CFHR4: variants seen among roughly 807,000 people sequenced by gnomAD.
CFHR4 encodes complement factor H related 4, also known as complement factor H-related protein 4.
Under a neutral mutation model 69.3 loss-of-function variants are expected in CFHR4, and 64 were observed. The ratio of observed to expected loss-of-function variants is 0.92; its 90% CI spans 0.76 to 1.14. The LOEUF is 1.14. CFHR4 is among the 50% of genes most tolerant of loss of function. The pLI is 0.00. For synonymous variants in CFHR4, 244 were observed against 237.0 expected, an observed-to-expected ratio of 1.03 and a Z score of -0.27; for missense variants, 636 against 684.9, an observed-to-expected ratio of 0.93 and a Z score of 0.80.
Position 196,900,998 on chromosome 1 carries a change from G to A in CFHR4, c.59-1420G>A, listed in dbSNP as rs943214983. On this transcript the variant is annotated intron_variant, in intron 1 of 9. Transcript: ENST00000608469. Reference sequence around the variant, plus strand: ...TCGGCATAACTAATCTGTAGAAACCGGTTGAAAAATTTTTCTAATCAAACA... The same window carrying A: ...TCGGCATAACTAATCTGTAGAAACCAGTTGAAAAATTTTTCTAATCAAACA... 3.3e-5 allele frequency among the ~76,000 whole-genome samples: 5 copies of A among 151,410 alleles called. No individual in the cohort carries two copies. In the East Asian group the frequency reaches 5.8e-4, roughly 18 times the overall value.
chr1:196,916,163 T>C (rs1415420681), intron 9 of CFHR4, among the ~76,000 whole-genome samples: 3 of 151,478 alleles, frequency 2.0e-5, no homozygotes, highest in African/African-American at 4.9e-5. Context: ...TCTAGAATTT[T>C]GTCCCCCAAG....
intron 9 of CFHR4, among the ~76,000 whole-genome samples, chr1:196,916,125 C>T (rs1658609837): frequency 6.6e-6 from 1 of 151,484 alleles, no homozygotes; most frequent in Admixed American, 6.6e-5. Flanking sequence ...ACACTAAAAA[C>T]CCCTCAAGCC....
In CFHR4 at chr1:196,918,554, T is replaced by A. The variant is rs1024561891; in HGVS notation, c.*148T>A. 2.5e-6 allele frequency: 2 copies of A among 813,214 alleles called. No individual in the cohort carries two copies. The highest frequency in any genetic ancestry group is 1.8e-5 in the African/African-American group (1 of 56,918). The allele number at this position is 813,214 out of a possible 1,614,324, so 50.4% of individuals were successfully genotyped here. A position where few individuals can be genotyped will look rare whatever the true frequency, so the allele number is the denominator to read the frequency against. On this transcript the variant is annotated 3_prime_UTR_variant, in exon 10 of 10. Coordinates refer to ENST00000608469, the MANE Select transcript of CFHR4 (RefSeq NM_001201550.3). ...AATAGTTTCAATTTGCAACTTAATA[T>A]GTTCTCAAAAATATGTTAAAACAAA...
At position 196,917,336 on chromosome 1, in the gene CFHR4, G is replaced by T. The variant is rs182576412; in HGVS notation, c.1541-874G>T. Among the ~76,000 whole-genome samples, 490 of 151,924 alleles carry T rather than the reference G, an allele frequency of 3.2e-3. 5 individuals are homozygous for T. Among genetic ancestry groups the T allele is most frequent in the African/African-American group, 0.011 (458 of 41,376 alleles). On this transcript the variant is annotated intron_variant, in intron 9 of 9. Coordinates refer to ENST00000608469, the MANE Select transcript of CFHR4 (RefSeq NM_001201550.3). ...AATTAGGCTTAATACCTAGGGTATG[G>T]GTTGATAGGTACAGCAAACCACCAT...
rs1034331216 is a variant in CFHR4 at position 196,907,631 on chromosome 1, T to C, written c.799+133T>C. ...ACAGCTATTCTGCTGAATATTTGCC[T>C]TTCAGATCTTAATATATAAGTGTAT... On this transcript the variant is annotated intron_variant, in intron 5 of 9. Coordinates refer to ENST00000608469, the MANE Select transcript of CFHR4 (RefSeq NM_001201550.3). 2.9e-5 allele frequency: 21 copies of C among 712,148 alleles called. 1 individual carries two copies. In the South Asian group the frequency reaches 4.2e-4, roughly 14 times the overall value. The allele number at this position is 712,148 out of a possible 1,614,324, so 44.1% of individuals were successfully genotyped here.
At position 196,914,686 on chromosome 1, in the gene CFHR4, C is replaced by A. The variant is rs1180914048; in HGVS notation, c.1357+15C>A. On this transcript the variant is annotated intron_variant, in intron 8 of 9. Transcript: ENST00000608469. ...AACATGTTATAGTAAGTATTTTATT[C>A]AAGTATTTTTTATTAGAATTAAATA... 1.3e-6 allele frequency: 2 copies of A among 1,576,854 alleles called. No individual in the cohort carries two copies. Among genetic ancestry groups the A allele is most frequent in the Admixed American group, 1.9e-5 (1 of 53,330 alleles).
Position 196,906,977 on chromosome 1 carries a change from A to C in CFHR4, c.556A>C (p.Asn186His), listed in dbSNP as rs769923643. Residue 186 changes from asparagine (N) to histidine (H), a missense_variant, in exon 4 of 10, where the codon AAC (asparagine) becomes CAC (histidine). By Grantham distance (68) the Asn-to-His change is moderately conservative. Transcript: ENST00000608469. ...TGATGGATATGAAAGCAGTTATGGA[A>C]ACACCACAGATTCCATAGTGTGTGG... ...CYDGYESSYG[N>H]TTDSIVCGED... 6.2e-7 allele frequency: 1 copy of C among 1,612,654 alleles called. No homozygotes were observed. Among genetic ancestry groups the C allele is most frequent in the South Asian group, 1.1e-5 (1 of 91,004 alleles).
intron 1 of CFHR4, 152 bp downstream of exon 1, chr1:196,888,360 A>T: frequency 1.4e-6 from 1 of 690,100 alleles, no homozygotes; most frequent in East Asian, 2.8e-5. Flanking sequence ...GTATAACAGA[A>T]ATTAATTTTA....
At position 196,892,899 on chromosome 1, in the gene CFHR4, T is replaced by C. The variant is rs1027332814; in HGVS notation, c.58+4691T>C. 3.3e-5 allele frequency among the ~76,000 whole-genome samples: 5 copies of C among 151,414 alleles called. 1 individual carries two copies. The highest frequency in any genetic ancestry group is 7.4e-5 in the Non-Finnish European group (5 of 67,932). ...CTTTAAAAAGAAAATTCCATTAATA[T>C]CAGATGAGGAAACATTCAACTAACA... On this transcript the variant is annotated intron_variant, in intron 1 of 9. Transcript: ENST00000608469.
At chr1:196,912,058 T>G (rs1658298429) in intron 6 of CFHR4, among the ~76,000 whole-genome samples, 2 of 151,384 alleles carry the variant, frequency 1.3e-5, no homozygotes, top group Admixed American at 1.3e-4. Context: ...TTAAAACATA[T>G]ACATTACTAA....
intron 1 of CFHR4, among the ~76,000 whole-genome samples, chr1:196,895,427 G>C (rs1057437653): frequency 6.6e-6 from 1 of 151,176 alleles, no homozygotes; most frequent in Non-Finnish European, 1.5e-5. Flanking sequence ...CTGCTTCCTG[G>C]TGTCCCATGT....
rs373856577 is a variant in CFHR4 at position 196,912,964 on chromosome 1, G to A, written c.1180+42G>A. 28 of 1,609,722 alleles carry A rather than the reference G, an allele frequency of 1.7e-5. 1 individual carries two copies. The highest frequency in any genetic ancestry group is 8.8e-5 in the South Asian group (8 of 90,652). ...TTCCCATTCAGTTTCTGTCAACTTC[G>A]TTCCTCTCTTTGAGATGATAGTGTT... On this transcript the variant is annotated intron_variant, in intron 7 of 9. Transcript: ENST00000608469.
At chr1:196,898,015 T>C (rs1657403663) in intron 1 of CFHR4, among the ~76,000 whole-genome samples, 1 of 151,526 alleles carries the variant, frequency 6.6e-6, no homozygotes, top group Non-Finnish European at 1.5e-5. Flanking sequence ...GTTAACACTG[T>C]AAGTCCTTAC....
In CFHR4 at chr1:196,902,384, A is replaced by T. The variant is rs775329784; in HGVS notation, c.59-34A>T. 7 of 1,393,338 alleles carry T rather than the reference A, an allele frequency of 5.0e-6. No individual in the cohort carries two copies. In the African/African-American group the frequency reaches 7.3e-5, roughly 15 times the overall value. The allele number at this position is 1,393,338 out of a possible 1,614,324, so 86.3% of individuals were successfully genotyped here. ...ATATGATTATCTGTTATAGAAAAACATTATTTATACTGTTTTTTGTTTTTT... is the reference window on the plus strand; with the variant it reads ...ATATGATTATCTGTTATAGAAAAACTTTATTTATACTGTTTTTTGTTTTTT... On this transcript the variant is annotated intron_variant, in intron 1 of 9. Coordinates refer to ENST00000608469, the MANE Select transcript of CFHR4 (RefSeq NM_001201550.3).
intron 1 of CFHR4, among the ~76,000 whole-genome samples, chr1:196,893,941 A>G (rs1657155387): frequency 6.6e-6 from 1 of 151,522 alleles, no homozygotes; most frequent in South Asian, 2.1e-4. Context: ...TAATCTCTCT[A>G]TGTGCTTCCA....
At position 196,898,186 on chromosome 1, in the gene CFHR4, A is replaced by G. The variant is rs146393729; in HGVS notation, c.59-4232A>G. 7.1e-3 allele frequency among the ~76,000 whole-genome samples: 1,078 copies of G among 151,642 alleles called. 19 individuals carry two copies. Among genetic ancestry groups the G allele is most frequent in the Non-Finnish European group, 9.9e-3 (671 of 67,940 alleles). On this transcript the variant is annotated intron_variant, in intron 1 of 9. Coordinates refer to ENST00000608469, the MANE Select transcript of CFHR4 (RefSeq NM_001201550.3). ...AAATGATGTCTACACACCTGAAAAGACAAAACACAGAATTGAAGATTTAAT... is the reference window on the plus strand; with the variant it reads ...AAATGATGTCTACACACCTGAAAAGGCAAAACACAGAATTGAAGATTTAAT...
chr1:196,904,225 A>G (rs1657775729), intron 2 of CFHR4, among the ~76,000 whole-genome samples: 1 of 151,662 alleles, frequency 6.6e-6, no homozygotes, highest in African/African-American at 2.4e-5. Flanking sequence ...AAAATTGTTT[A>G]CGAGAGAAAC....
chr1:196,902,525 T>C lies in CFHR4; in HGVS notation c.166T>C (p.Cys56Arg). Reference protein sequence around the residue: ...AAAGQSYSYYCDQNFVTPSGS... With the variant: ...AAAGQSYSYYRDQNFVTPSGS... ...TGCAGGACAATCTTATTCCTATTAC[T>C]GTGATCAAAATTTTGTGACTCCTTC... The change falls in exon 2 of 10, where the codon TGT becomes CGT. Residue 56 changes from cysteine (C) to arginine (R), a missense_variant. Transcript: ENST00000608469. 3 of 1,611,750 alleles carry C rather than the reference T, an allele frequency of 1.9e-6. No homozygotes were observed. The highest frequency in any genetic ancestry group is 2.2e-5 in the East Asian group (1 of 44,812).
chr1:196,917,248 G>A (rs1420744591), intron 9 of CFHR4, among the ~76,000 whole-genome samples: 2 of 151,840 alleles, frequency 1.3e-5, no homozygotes, highest in East Asian at 3.8e-4. Context: ...AGATAGGTGA[G>A]TGAATGATAT....
Sources: allele counts gnomAD v4.1 joint callset (sites outside exome capture counted in the v4.1 genomes callset), GRCh38; gene constraint gnomAD v4.1.1; transcripts MANE v1.5; gene names NCBI Gene and HGNC (gene_info 2026-07-23, HGNC 2026-07-21).